The following EPB41L3 variants were observed in gnomAD, a reference collection of about 807,000 sequenced individuals.
The protein encoded by EPB41L3 is band 4.1-like protein 3.
Under a neutral mutation model 127.1 loss-of-function variants are expected in EPB41L3, and 57 were observed. That is an observed-to-expected ratio of 0.45 (90% CI 0.36 to 0.56). The LOEUF is 0.56. Among genes scored for constraint, EPB41L3 ranks in the 20% least tolerant of loss-of-function variants. The pLI is 0.00. For missense variants in EPB41L3, 1,273 were observed against 1,372.2 expected (o/e 0.93, Z 1.14); for synonymous variants, 572 against 549.5 (o/e 1.04, Z -0.57).
At chr18:5,447,168 C>T (rs1262926128) in intron 3 of EPB41L3, among the ~76,000 whole-genome samples, 1 of 152,170 alleles carries the variant, frequency 6.6e-6, no homozygotes, top group Non-Finnish European at 1.5e-5. Flanking sequence ...GGGTATGACA[C>T]TACTTACTTC....
At position 5,415,813 on chromosome 18, in the gene EPB41L3, C is replaced by T. The variant is rs541321706; in HGVS notation, c.2067+5G>A. On this transcript the variant is annotated splice_donor_5th_base_variant and intron_variant, in intron 13 of 22. Coordinates refer to ENST00000341928, the MANE Select transcript of EPB41L3 (RefSeq NM_012307.5). ...GGGAAGCGTGTTCTATGCCGAGGTA[C>T]ACACCTCTTCCTCTGAACTGTCACT... 1.2e-6 allele frequency: 2 copies of T among 1,610,510 alleles called. No individual in the cohort carries two copies. Among genetic ancestry groups the T allele is most frequent in the Non-Finnish European group, 8.5e-7 (1 of 1,179,092 alleles).
chr18:5,416,168 A>G lies in EPB41L3; in HGVS notation c.1717T>C (p.Phe573Leu). The stretch of plus-strand genomic sequence containing the variant: ...TTGCCAGTTTGCTGTCTGTAGCTAA[A>G]AGCCACATCTTGATCCCCTAGGTAA... ...RPYLGDQDVA[F>L]SYRQQTGKGT... Residue 573 changes from phenylalanine (F) to leucine (L), a missense_variant, in exon 13 of 23, where the codon TTT becomes CTT. Physicochemically the swap from Phe to Leu is conservative, Grantham distance 22. This residue lies in a region of EPB41L3 where 765 missense variants were observed against 782.9 expected (regional missense o/e 0.98). Transcript: ENST00000341928. 1.2e-6 allele frequency: 2 copies of G among 1,614,060 alleles called. No homozygotes were observed. Among genetic ancestry groups the G allele is most frequent in the South Asian group, 2.2e-5 (2 of 91,082 alleles).
chr18:5,406,345 G>T (rs577009346), intron 16 of EPB41L3, among the ~76,000 whole-genome samples: 2 of 152,136 alleles, frequency 1.3e-5, no homozygotes, highest in Non-Finnish European at 2.9e-5. Flanking sequence ...ATAAAAGCCT[G>T]GTGTAATATC....
At chr18:5,401,139 T>A (rs552730519) in intron 16 of EPB41L3, 12 of 622,162 alleles carry the variant, frequency 1.9e-5, no homozygotes, top group Non-Finnish European at 3.1e-5. Flanking sequence ...ATTATCTCTA[T>A]CTATCTATCA....
chr18:5,424,507 G>A, intron 9 of EPB41L3, 148 bp from the exon 10 acceptor site: 1 of 553,314 alleles, frequency 1.8e-6, no homozygotes, highest in Non-Finnish European at 3.1e-6. Flanking sequence ...ATGCTATACA[G>A]ATTCATTTGT....
intron 14 of EPB41L3, among the ~76,000 whole-genome samples, chr18:5,408,342 C>T (rs372561896): frequency 5.9e-4 from 86 of 145,724 alleles, no homozygotes; most frequent in East Asian, 4.0e-3. Flanking sequence ...GGCGTGATCT[C>T]GGCTCACTGC....
At chr18:5,569,313 A>G (rs2094246987) in intron 3 of EPB41L3, among the ~76,000 whole-genome samples, 1 of 152,258 alleles carries the variant, frequency 6.6e-6, no homozygotes, top group African/African-American at 2.4e-5. Context: ...CTTAATACCA[A>G]TCACTCACCT....
upstream of EPB41L3, chr18:5,544,122 A>G: frequency 1.0e-6 from 1 of 985,448 alleles, no homozygotes; most frequent in Non-Finnish European, 1.2e-6. Context: ...GTGCGAGGAA[A>G]GCCAACCTCG....
chr18:5,500,753 A>G (rs969406278), intron 1 of EPB41L3, among the ~76,000 whole-genome samples: 4 of 152,224 alleles, frequency 2.6e-5, no homozygotes, highest in Admixed American at 2.0e-4. Flanking sequence ...TAATGAATGA[A>G]TGAACAGTCT....
intron 3 of EPB41L3, among the ~76,000 whole-genome samples, chr18:5,571,929 C>G (rs2094286063): frequency 6.6e-6 from 1 of 152,242 alleles, no homozygotes. Context: ...TAGGGACTGC[C>G]TGTTCCTCAC....
At chr18:5,427,639 C>T (rs1008325776) in intron 9 of EPB41L3, among the ~76,000 whole-genome samples, 2 of 152,160 alleles carry the variant, frequency 1.3e-5, no homozygotes, top group African/African-American at 4.8e-5. Context: ...TAAAGTACAA[C>T]CAGATTTGCA....
rs1007262503 is a variant in EPB41L3, at chr18:5,443,845, C to T, written c.522G>A (p.Gln174=). The change falls in exon 5 of 23, where the codon CAG becomes CAA. Residue 174 remains glutamine (Q), a synonymous_variant. Transcript: ENST00000341928. ...WLDPAKEIKK[Q]VRSGAWHFSF... is the part of the protein sequence containing the mutation. ...TAATCCAAAAGAACTTACTTCGAAC[C>T]TGTTTTTTTATTTCCTTAGCAGGGT... 1 of 1,609,264 alleles carries T rather than the reference C, an allele frequency of 6.2e-7. No homozygotes were observed. Among genetic ancestry groups the T allele is most frequent in the African/African-American group, 1.3e-5 (1 of 74,658 alleles).
At chr18:5,624,902 A>T (rs1377770078) in intron 1 of EPB41L3, among the ~76,000 whole-genome samples, 6 of 152,194 alleles carry the variant, frequency 3.9e-5, no homozygotes. Context: ...ATTATCGAGA[A>T]AAACATCACA....
chr18:5,451,279 T>A (rs962126909), intron 3 of EPB41L3, among the ~76,000 whole-genome samples: 1 of 152,216 alleles, frequency 6.6e-6, no homozygotes, highest in South Asian at 2.1e-4. Context: ...TTTGGCTTCA[T>A]ACTATCATGA....
chr18:5,573,907 A>G (rs1168834799), intron 3 of EPB41L3, among the ~76,000 whole-genome samples: 2 of 151,150 alleles, frequency 1.3e-5, no homozygotes, highest in Non-Finnish European at 2.9e-5. Flanking sequence ...TACCTAATAT[A>G]TATACCTTTT....
At chr18:5,432,980 G>A (rs1436748807) in intron 8 of EPB41L3, among the ~76,000 whole-genome samples, 1 of 152,186 alleles carries the variant, frequency 6.6e-6, no homozygotes, top group Non-Finnish European at 1.5e-5. Context: ...GGCACTTAAT[G>A]AATGTGATGC....
intron 13 of EPB41L3, 70 bp downstream of exon 13, chr18:5,415,748 C>T (rs989276209): frequency 1.2e-5 from 18 of 1,447,422 alleles, no homozygotes; most frequent in African/African-American, 1.4e-5. Flanking sequence ...ATGGCAGCAG[C>T]CAGCTAACAC....
rs556284304 is a variant in EPB41L3 at position 5,504,594 on chromosome 18, A to C, written c.-11-15400T>G. Among the ~76,000 whole-genome samples the C allele has an allele frequency of 2.6e-5, 4 of 152,296 alleles. No individual in the cohort carries two copies. The East Asian group carries it at 7.7e-4, about 29-fold the overall frequency. On this transcript the variant is annotated intron_variant, in intron 1 of 22. Coordinates refer to ENST00000341928, the MANE Select transcript of EPB41L3 (RefSeq NM_012307.5). ...CAGCTTGAGAAACACTGGTTGGAAA[A>C]AGAGTATAAAAGAGTAACCAAATAG...
intron 1 of EPB41L3, among the ~76,000 whole-genome samples, chr18:5,529,417 C>A (rs999750900): frequency 1.3e-5 from 2 of 152,128 alleles, no homozygotes; most frequent in Non-Finnish European, 2.9e-5. Flanking sequence ...TCTGTGCGCA[C>A]CGCCCTCCTC....
Sources: allele counts gnomAD v4.1 joint callset (sites outside exome capture counted in the v4.1 genomes callset), GRCh38; gene constraint gnomAD v4.1.1; regional missense constraint gnomAD v4.1.1; transcripts MANE v1.5; gene names NCBI Gene and HGNC (gene_info 2026-07-23, HGNC 2026-07-21).